The following LINS1 variants were observed in gnomAD, a reference collection of about 807,000 sequenced individuals.
LINS1 encodes lines homolog 1.
A neutral mutation model predicts 41.6 loss-of-function variants in LINS1; 27 were observed. The observed-to-expected ratio is 0.65, with a 90% CI of 0.48 to 0.89. The LOEUF (loss-of-function observed/expected upper bound fraction) is 0.89, where lower values mean the gene tolerates loss of function less well. Among genes scored for constraint, LINS1 ranks in the 40% least tolerant of loss-of-function variants. LINS1 has a pLI of 0.00. For missense variants in LINS1, 955 were observed against 884.1 expected (o/e 1.08, Z -1.02); for synonymous variants, 336 against 312.9 (o/e 1.07, Z -0.78).
chr15:100,570,152 G>T, intron 6 of LINS1, 35 bp from the exon 7 acceptor site: 1 of 1,484,822 alleles, frequency 6.7e-7, no homozygotes, highest in Non-Finnish European at 9.1e-7. Context: ...GCAGATTAAT[G>T]ACCTTACAAA....
chr15:100,580,421 C>T (rs1268394895), intron 2 of LINS1, 23 bp downstream of exon 2: 3 of 1,610,056 alleles, frequency 1.9e-6, no homozygotes, highest in Admixed American at 3.3e-5. Flanking sequence ...ATATCTACAT[C>T]TTTAGAAAAA....
chr15:100,572,497 A>G (rs2037885665), intron 5 of LINS1: 3 of 1,066,448 alleles, frequency 2.8e-6, no homozygotes, highest in South Asian at 2.8e-5. Context: ...TTGTTTGTTT[A>G]AAGCATAGAA....
At chr15:100,577,000 T>A (rs537100209) in intron 3 of LINS1, among the ~76,000 whole-genome samples, 1 of 152,278 alleles carries the variant, frequency 6.6e-6, no homozygotes, top group East Asian at 1.9e-4. Context: ...AAACTCTCAA[T>A]AAATTAGGTA....
At chr15:100,598,974 A>T (rs1225177577) in intron 1 of LINS1, among the ~76,000 whole-genome samples, 1 of 152,228 alleles carries the variant, frequency 6.6e-6, no homozygotes, top group African/African-American at 2.4e-5. Flanking sequence ...TCACTGGAAC[A>T]TTAGGAAAAA....
intron 1 of LINS1, among the ~76,000 whole-genome samples, chr15:100,594,644 G>T (rs80114071): frequency 3.3e-5 from 5 of 152,052 alleles, no homozygotes; most frequent in Admixed American, 6.6e-5. Context: ...TATTTGACAC[G>T]GTACATTGTA....
At chr15:100,573,332 T>C in intron 5 of LINS1, 1 of 1,122,908 alleles carries the variant, frequency 8.9e-7, no homozygotes, top group African/African-American at 1.6e-5. Context: ...AAAAAAGGAT[T>C]AATATAAATA....
At position 100,569,095 on chromosome 15, in the gene LINS1, C is replaced by T. The variant is rs1320139080; in HGVS notation, c.*143G>A. ...GTCGAGTCACGCCACTGCACTCCGGCCTGAGCGACAGAATGAGATTCTGTC... is the reference window on the plus strand; with the variant it reads ...GTCGAGTCACGCCACTGCACTCCGGTCTGAGCGACAGAATGAGATTCTGTC... On this transcript the variant is annotated 3_prime_UTR_variant, in exon 7 of 7. Coordinates refer to ENST00000314742, the MANE Select transcript of LINS1 (RefSeq NM_001040616.3). 47 of 574,286 alleles carry T rather than the reference C, an allele frequency of 8.2e-5. No individual in the cohort carries two copies. Among genetic ancestry groups the T allele is most frequent in the South Asian group, 1.9e-4 (9 of 47,238 alleles). The allele number at this position is 574,286 out of a possible 1,614,324, so 35.6% of individuals were successfully genotyped here. A position where few individuals can be genotyped will look rare whatever the true frequency, so the allele number is the denominator to read the frequency against.
intron 5 of LINS1, chr15:100,573,013 T>A (rs145672398): frequency 2.4e-5 from 4 of 169,326 alleles, no homozygotes; most frequent in Middle Eastern, 2.9e-3. Flanking sequence ...TCAAAATAAA[T>A]AAACAGTAAA....
At position 100,567,697 on chromosome 15, in the gene LINS1, C is replaced by T. The variant is rs1189393074; in HGVS notation, c.*1541G>A. On this transcript the variant is annotated 3_prime_UTR_variant, in exon 7 of 7. Transcript: ENST00000314742. ...ACAAACTATGTGGCATCCTTGAATA[C>T]ACATTCTTTGACGTGCTTTTTCAAT... The T allele has an allele frequency of 1.3e-5, 2 of 152,340 alleles. No homozygotes were observed. The highest frequency in any genetic ancestry group is 2.4e-5 in the African/African-American group (1 of 41,580). The allele number at this position is 152,340 out of a possible 1,614,324, so 9.4% of individuals were successfully genotyped here.
chr15:100,593,888 T>C (rs2039140013), intron 1 of LINS1, among the ~76,000 whole-genome samples: 1 of 152,222 alleles, frequency 6.6e-6, no homozygotes, highest in Non-Finnish European at 1.5e-5. Flanking sequence ...AATTTCCCAA[T>C]ATAAACTAAG....
chr15:100,599,101 G>A (rs143794250), intron 1 of LINS1, among the ~76,000 whole-genome samples: 127 of 152,316 alleles, frequency 8.3e-4, no homozygotes, highest in African/African-American at 2.9e-3. Flanking sequence ...AATTCTGATT[G>A]AGTCAGGGTT....
rs2039532044 is a variant in LINS1, at chr15:100,602,132, C to G, written c.-115G>C. ...TCCCGGTTACCTGCCTGGGATCTGG[C>G]TCAGGCGAACTCTCTTCACACCGCC... On this transcript the variant is annotated 5_prime_UTR_variant, in exon 1 of 7. Coordinates refer to ENST00000314742, the MANE Select transcript of LINS1 (RefSeq NM_001040616.3). The G allele has an allele frequency of 6.6e-6, 1 of 152,344 alleles. No homozygotes were observed. The highest frequency in any genetic ancestry group is 1.5e-5 in the Non-Finnish European group (1 of 68,126). 9.4% of individuals were successfully genotyped at this position (152,344 alleles called of 1,614,324 possible). A position where few individuals can be genotyped will look rare whatever the true frequency, so the allele number is the denominator to read the frequency against.
chr15:100,586,097 G>A (rs1423196888), intron 1 of LINS1: 1 of 152,196 alleles, frequency 6.6e-6, no homozygotes, highest in Non-Finnish European at 1.5e-5. Context: ...ACTGCTTAGG[G>A]CAAATCTGTG....
chr15:100,582,042 C>T (rs2038569227), intron 1 of LINS1, among the ~76,000 whole-genome samples: 1 of 152,268 alleles, frequency 6.6e-6, no homozygotes, highest in Admixed American at 6.5e-5. Context: ...AGACACACTT[C>T]CCATCTTCAA....
chr15:100,593,588 C>T (rs1370170859), intron 1 of LINS1, among the ~76,000 whole-genome samples: 2 of 151,212 alleles, frequency 1.3e-5, no homozygotes, highest in South Asian at 2.1e-4. Flanking sequence ...ATTATCATAC[C>T]CATTTTACAG....
At chr15:100,575,888 C>A (rs974318749) in intron 3 of LINS1, among the ~76,000 whole-genome samples, 1 of 152,184 alleles carries the variant, frequency 6.6e-6, no homozygotes, top group Non-Finnish European at 1.5e-5. Flanking sequence ...AACCATTCAA[C>A]TACATGGAAA....
intron 1 of LINS1, among the ~76,000 whole-genome samples, chr15:100,593,092 A>T (rs891280511): frequency 4.6e-5 from 7 of 152,180 alleles, no homozygotes; most frequent in African/African-American, 1.7e-4. Flanking sequence ...GGCCTGGGGG[A>T]ATGTGTACTC....
At position 100,580,672 on chromosome 15, in the gene LINS1, G is replaced by T; in HGVS notation, c.171C>A (p.Gly57=). 2 of 1,613,916 alleles carry T rather than the reference G, an allele frequency of 1.2e-6. No individual in the cohort carries two copies. The highest frequency in any genetic ancestry group is 2.7e-5 in the African/African-American group (2 of 75,046). ...LEWANTCGIQ[G]RHQPISVGVA... ...CACCAACAGAGATGGGCTGATGCCT[G>T]CCCTGGATACCACAGGTGTTTGCCC... The change falls in exon 2 of 7, where the codon GGC becomes GGA. Residue 57 remains glycine (G), a synonymous_variant. Transcript: ENST00000314742.
chr15:100,572,607 A>G, intron 5 of LINS1: 1 of 991,646 alleles, frequency 1.0e-6, no homozygotes, highest in Non-Finnish European at 1.2e-6. Context: ...TTATAAATTA[A>G]AACTGCACAG....
Sources: gnomAD v4.1 joint callset for allele counts (sites outside exome capture counted in the v4.1 genomes callset) on GRCh38, gnomAD v4.1.1 for gene constraint, MANE v1.5 for transcripts, NCBI Gene and HGNC (gene_info 2026-07-23, HGNC 2026-07-21) for gene names.